GRID2: variants seen among roughly 807,000 people sequenced by gnomAD.
GRID2 encodes the protein glutamate ionotropic receptor delta type subunit 2.
GRID2 carries 33 observed loss-of-function variants against 114.8 expected under a neutral mutation model. The observed-to-expected ratio is 0.29, with a 90% CI of 0.22 to 0.38. The LOEUF is 0.38. Among genes scored for constraint, GRID2 ranks in the 10% least tolerant of loss-of-function variants. The pLI is 1.00. For missense variants in GRID2, 1,184 were observed against 1,257.7 expected (o/e 0.94, Z 0.89); for synonymous variants, 505 against 449.9 (o/e 1.12, Z -1.55).
chr4:93,581,336 A>G (rs1044971102), intron 13 of GRID2, among the ~76,000 whole-genome samples: 1 of 152,190 alleles, frequency 6.6e-6, no homozygotes, highest in Non-Finnish European at 1.5e-5. Flanking sequence ...ATCAAAGTGA[A>G]AAAAGTAGAA....
At chr4:93,281,691 G>T (rs1752666897) in intron 8 of GRID2, among the ~76,000 whole-genome samples, 1 of 151,936 alleles carries the variant, frequency 6.6e-6, no homozygotes, top group Non-Finnish European at 1.5e-5. Context: ...TATTTTCTCT[G>T]CTCTGAGTGA....
chr4:93,454,320 A>G (rs1397097260), intron 10 of GRID2, among the ~76,000 whole-genome samples: 3 of 152,086 alleles, frequency 2.0e-5, no homozygotes, highest in Non-Finnish European at 4.4e-5. Flanking sequence ...GATAGCTGCA[A>G]TATGGTAAAA....
At chr4:92,364,853 G>A (rs773428656) in intron 1 of GRID2, among the ~76,000 whole-genome samples, 1 of 151,956 alleles carries the variant, frequency 6.6e-6, no homozygotes. Flanking sequence ...CTGTAATCCC[G>A]GTTCAAAGTA....
chr4:93,683,894 T>C (rs1394152518), intron 14 of GRID2, among the ~76,000 whole-genome samples: 2 of 152,080 alleles, frequency 1.3e-5, no homozygotes, highest in African/African-American at 2.4e-5. Context: ...ATGACACTTT[T>C]TAAAGCATGA....
At chr4:93,254,188 AT>A (rs1353991968) in intron 8 of GRID2, among the ~76,000 whole-genome samples, 1 of 152,034 alleles carries the variant, frequency 6.6e-6, no homozygotes, top group Admixed American at 6.6e-5. Flanking sequence ...CTGGTAGTGA[AT>A]TTTGATTTTT....
chr4:93,682,646 T>C (rs1039041323), intron 14 of GRID2, among the ~76,000 whole-genome samples: 22 of 151,932 alleles, frequency 1.4e-4, no homozygotes, highest in Admixed American at 3.9e-4. Flanking sequence ...ATGGATGAAA[T>C]TGGAAATCAT....
At chr4:92,643,136 G>C (rs949298175) in intron 2 of GRID2, among the ~76,000 whole-genome samples, 3 of 151,596 alleles carry the variant, frequency 2.0e-5, no homozygotes, top group Non-Finnish European at 2.9e-5. Context: ...AATTCTGTGA[G>C]AATGACCTTG....
chr4:92,724,911 T>A (rs1735993268), intron 2 of GRID2, among the ~76,000 whole-genome samples: 1 of 152,176 alleles, frequency 6.6e-6, no homozygotes. Context: ...TCCAATTTGC[T>A]TTGTTAAAAT....
chr4:93,253,570 C>T (rs1000515282), intron 8 of GRID2, among the ~76,000 whole-genome samples: 2 of 151,890 alleles, frequency 1.3e-5, no homozygotes, highest in African/African-American at 4.8e-5. Flanking sequence ...AAATTAGTAA[C>T]CATGTTGAAA....
chr4:93,335,694 C>CTTTTTTCTT (rs1758994716), intron 8 of GRID2, among the ~76,000 whole-genome samples: 1 of 141,752 alleles, frequency 7.1e-6, no homozygotes, highest in African/African-American at 2.7e-5. Context: ...TTTCTTCTTT[C>CTTTTTTCTT]TTTTTTTTTT....
chr4:93,679,713 T>A (rs2110086846), intron 14 of GRID2, among the ~76,000 whole-genome samples: 1 of 151,088 alleles, frequency 6.6e-6, no homozygotes, highest in Non-Finnish European at 1.5e-5. Context: ...GAAATAAAGA[T>A]GTTCTTGGAA....
chr4:92,687,950 G>T (rs1216016130), intron 2 of GRID2, among the ~76,000 whole-genome samples: 2 of 151,236 alleles, frequency 1.3e-5, no homozygotes, highest in African/African-American at 4.9e-5. Flanking sequence ...TGATCACAGT[G>T]GTGGTTGCTG....
Position 93,463,890 on chromosome 4 carries a change from G to A in GRID2, c.1858+7916G>A, listed in dbSNP as rs1724006830. On this transcript the variant is annotated intron_variant, in intron 11 of 15. Transcript: ENST00000282020. ...TGTAGTCCCAGCTACTCGGGAGGCT[G>A]AGGCAGGAGAATGGCGTGAACCTGG... Among the ~76,000 whole-genome samples, 4 of 152,116 alleles carry A rather than the reference G, an allele frequency of 2.6e-5. No homozygotes were observed. In the South Asian group the frequency reaches 8.3e-4, roughly 32 times the overall value.
intron 1 of GRID2, among the ~76,000 whole-genome samples, chr4:92,450,367 A>G (rs1156771072): frequency 6.6e-6 from 1 of 152,108 alleles, no homozygotes; most frequent in Non-Finnish European, 1.5e-5. Flanking sequence ...TTGAAAAAGA[A>G]GTAGAAATCA....
intron 13 of GRID2, among the ~76,000 whole-genome samples, chr4:93,586,763 G>C (rs941863674): frequency 5.3e-5 from 8 of 152,040 alleles, no homozygotes; most frequent in Non-Finnish European, 8.8e-5. Context: ...ATTGAAACTT[G>C]TAAGATCAGG....
intron 13 of GRID2, among the ~76,000 whole-genome samples, chr4:93,594,788 A>C (rs575082749): frequency 1.3e-5 from 2 of 152,160 alleles, no homozygotes; most frequent in East Asian, 3.9e-4. Flanking sequence ...GGAAAAGCGC[A>C]GTATTCGGGT....
At chr4:92,314,088 T>C (rs981583692) in intron 1 of GRID2, among the ~76,000 whole-genome samples, 8 of 152,000 alleles carry the variant, frequency 5.3e-5, no homozygotes, top group Admixed American at 1.3e-4. Flanking sequence ...AGAAAGGAAA[T>C]CTGTTTTTTT....
intron 9 of GRID2, among the ~76,000 whole-genome samples, chr4:93,397,400 TCCTCC>T (rs200133096): frequency 0.037 from 5,559 of 152,078 alleles, 153 homozygotes; most frequent in Middle Eastern, 0.058. Context: ...TAATAGTCTT[TCCTCC>T]AGTGATTAGC....
intron 10 of GRID2, among the ~76,000 whole-genome samples, chr4:93,451,222 T>C (rs1722653817): frequency 6.6e-6 from 1 of 152,126 alleles, no homozygotes; most frequent in Middle Eastern, 3.4e-3. Flanking sequence ...CAAACATTAT[T>C]GAAAAGATCA....
Sources: allele counts gnomAD v4.1 joint callset (sites outside exome capture counted in the v4.1 genomes callset), GRCh38; gene constraint gnomAD v4.1.1; transcripts MANE v1.5; gene names NCBI Gene and HGNC (gene_info 2026-07-23, HGNC 2026-07-21).